The following CNTNAP2 variants were observed in gnomAD, a reference collection of about 807,000 sequenced individuals.
CNTNAP2 encodes the protein contactin associated protein 2.
A neutral mutation model predicts 155.2 loss-of-function variants in CNTNAP2; 98 were observed. The ratio of observed to expected loss-of-function variants is 0.63; its 90% CI spans 0.54 to 0.75. CNTNAP2 has a LOEUF of 0.75. Ranked by LOEUF, CNTNAP2 falls within the 30% of genes least tolerant of loss-of-function variation. The pLI, the probability that CNTNAP2 is intolerant of heterozygous loss-of-function variation, is 0.00. For missense variants in CNTNAP2, 1,727 were observed against 1,688.1 expected (o/e 1.02, Z -0.40); for synonymous variants, 651 against 631.2 (o/e 1.03, Z -0.47).
At chr7:147,123,056 A>T (rs1801153572) in intron 6 of CNTNAP2, 1 of 152,152 alleles carries the variant, frequency 6.6e-6, no homozygotes, top group African/African-American at 2.4e-5. Context: ...CTATATAAAC[A>T]CTGATGGAGA....
chr7:146,880,092 A>C (rs938712564), intron 3 of CNTNAP2, among the ~76,000 whole-genome samples: 1 of 152,150 alleles, frequency 6.6e-6, no homozygotes, highest in Non-Finnish European at 1.5e-5. Context: ...ACACATGGGA[A>C]TTATGGCAGC....
intron 12 of CNTNAP2, among the ~76,000 whole-genome samples, chr7:147,634,499 T>C (rs941027467): frequency 6.6e-6 from 1 of 152,054 alleles, no homozygotes; most frequent in Non-Finnish European, 1.5e-5. Flanking sequence ...GGGTACAGTG[T>C]ACACTGCTCA....
intron 4 of CNTNAP2, among the ~76,000 whole-genome samples, chr7:147,063,491 T>C (rs759282841): frequency 3.9e-5 from 6 of 152,148 alleles, no homozygotes; most frequent in Non-Finnish European, 2.9e-5. Flanking sequence ...GAGGAGGAGA[T>C]AACAGCAATC....
intron 14 of CNTNAP2, among the ~76,000 whole-genome samples, chr7:147,962,734 TA>T (rs1801135582): frequency 6.6e-6 from 1 of 152,328 alleles, no homozygotes; most frequent in East Asian, 1.9e-4. Flanking sequence ...GGCACTGTGC[TA>T]AGTAATGTAT....
At chr7:147,731,137 A>G (rs1584925011) in intron 13 of CNTNAP2, among the ~76,000 whole-genome samples, 1 of 152,104 alleles carries the variant, frequency 6.6e-6, no homozygotes. Flanking sequence ...AGAAGCTGCA[A>G]CAAGTTATCT....
intron 10 of CNTNAP2, among the ~76,000 whole-genome samples, chr7:147,417,740 C>T (rs973337721): frequency 6.6e-6 from 1 of 152,028 alleles, no homozygotes; most frequent in Admixed American, 6.6e-5. Flanking sequence ...AAAAGCAACA[C>T]CAAAATTTTA....
intron 3 of CNTNAP2, among the ~76,000 whole-genome samples, chr7:146,962,653 C>T (rs1340685877): frequency 1.3e-5 from 2 of 152,132 alleles, no homozygotes; most frequent in Admixed American, 6.5e-5. Context: ...TGGGTTCAAG[C>T]GATTCTCCTT....
intron 4 of CNTNAP2, chr7:147,082,164 A>C (rs1032285653): frequency 1.3e-5 from 2 of 152,218 alleles, no homozygotes; most frequent in Admixed American, 6.5e-5. Flanking sequence ...AAAATCAGGG[A>C]TTGGATGCTG....
At chr7:146,930,054 G>A (rs1211170451) in intron 3 of CNTNAP2, among the ~76,000 whole-genome samples, 2 of 152,078 alleles carry the variant, frequency 1.3e-5, no homozygotes, top group East Asian at 1.9e-4. Context: ...ATCTAGCAAG[G>A]CAGGCCAACA....
chr7:146,700,146 T>A (rs1800851051), intron 1 of CNTNAP2, among the ~76,000 whole-genome samples: 1 of 152,146 alleles, frequency 6.6e-6, no homozygotes. Context: ...TCAAAGGGTT[T>A]TCATCCCTCA....
At chr7:147,704,410 CA>C in intron 13 of CNTNAP2, 1 of 163,250 alleles carries the variant, frequency 6.1e-6, no homozygotes. Context: ...ATCTGACCAG[CA>C]AACCAAGCAA....
At chr7:147,457,913 T>C (rs1361562854) in intron 10 of CNTNAP2, among the ~76,000 whole-genome samples, 2 of 152,146 alleles carry the variant, frequency 1.3e-5, no homozygotes. Context: ...CAGTGATTAG[T>C]TTTGGGTGGC....
chr7:146,527,992 G>A (rs1797715715), intron 1 of CNTNAP2, among the ~76,000 whole-genome samples: 1 of 151,990 alleles, frequency 6.6e-6, no homozygotes, highest in Admixed American at 6.6e-5. Context: ...TATAGTCAAT[G>A]ATAAAATGTG....
At chr7:147,446,648 C>G (rs1237186485) in intron 10 of CNTNAP2, among the ~76,000 whole-genome samples, 1 of 152,192 alleles carries the variant, frequency 6.6e-6, no homozygotes, top group African/African-American at 2.4e-5. Flanking sequence ...CCTCAAGAGA[C>G]TGTTTACATT....
intron 21 of CNTNAP2, among the ~76,000 whole-genome samples, chr7:148,273,110 T>A (rs979270918): frequency 6.6e-6 from 1 of 152,210 alleles, no homozygotes; most frequent in Non-Finnish European, 1.5e-5. Context: ...TTTGAGGTAA[T>A]GAACTCTCTA....
chr7:148,393,315 ATGTTATTT>A (rs1563071232), intron 22 of CNTNAP2, among the ~76,000 whole-genome samples: 1 of 152,114 alleles, frequency 6.6e-6, no homozygotes, highest in Non-Finnish European at 1.5e-5. Flanking sequence ...TCTTTTTATT[ATGTTATTT>A]GTCTTTTTCC....
chr7:146,490,184 A>G (rs1797117785), intron 1 of CNTNAP2, among the ~76,000 whole-genome samples: 1 of 152,222 alleles, frequency 6.6e-6, no homozygotes, highest in Non-Finnish European at 1.5e-5. Context: ...ACAAGTTTCA[A>G]TAATCATTTG....
intron 15 of CNTNAP2, among the ~76,000 whole-genome samples, chr7:147,983,192 G>A (rs766533300): frequency 6.6e-6 from 1 of 152,024 alleles, no homozygotes; most frequent in Non-Finnish European, 1.5e-5. Flanking sequence ...CAGTGAATAG[G>A]GACTGAAGGA....
intron 1 of CNTNAP2, among the ~76,000 whole-genome samples, chr7:146,170,860 T>G (rs1240838644): frequency 2.0e-5 from 3 of 152,034 alleles, no homozygotes; most frequent in African/African-American, 7.2e-5. Flanking sequence ...ACCCTGTTTC[T>G]ACTAAAACTA....
Sources: gnomAD v4.1 joint callset for allele counts (sites outside exome capture counted in the v4.1 genomes callset) on GRCh38, gnomAD v4.1.1 for gene constraint, MANE v1.5 for transcripts, NCBI Gene and HGNC (gene_info 2026-07-23, HGNC 2026-07-21) for gene names.